The following IDO2 variants were observed in gnomAD, a reference collection of about 807,000 sequenced individuals.
IDO2 encodes the protein indoleamine 2,3-dioxygenase 2, also known as indoleamine 2,3-dioxygenase-like 1 protein.
A neutral mutation model predicts 45.1 loss-of-function variants in IDO2; 46 were observed. The ratio of observed to expected loss-of-function variants is 1.02; its 90% confidence interval spans 0.80 to 1.30. IDO2 has a LOEUF of 1.30. Among genes scored for constraint, IDO2 ranks in the 50% most tolerant of loss-of-function variants. The pLI is 0.00. For synonymous variants in IDO2, 218 were observed against 184.9 expected (o/e 1.18, Z -1.45); for missense variants, 544 against 491.8 (o/e 1.11, Z -1.00).
rs1367973897 is a variant in IDO2 at position 39,985,680 on chromosome 8, T to G, written c.449+158T>G. The G allele has an allele frequency of 2.9e-5, 19 of 658,260 alleles. 1 individual carries two copies. Among genetic ancestry groups the G allele is most frequent in the Non-Finnish European group, 4.4e-5 (17 of 386,274 alleles). 40.8% of individuals were successfully genotyped at this position (658,260 alleles called of 1,614,324 possible). A position where few individuals can be genotyped will look rare whatever the true frequency, so the allele number is the denominator to read the frequency against. The stretch of plus-strand genomic sequence containing the variant: ...TACTAGAAGGAAATGTGCCTAAAAT[T>G]CACAGTCTAAAATTTAACAGTGATT... On this transcript the variant is annotated intron_variant, in intron 6 of 10. Transcript: ENST00000502986.
intron 9 of IDO2, among the ~76,000 whole-genome samples, chr8:40,012,983 A>G (rs1377506259): frequency 6.6e-6 from 1 of 152,212 alleles, no homozygotes; most frequent in African/African-American, 2.4e-5. Context: ...TGTACGTTAT[A>G]GATTACAAAG....
intron 2 of IDO2, among the ~76,000 whole-genome samples, chr8:39,957,090 A>G (rs1051509435): frequency 2.0e-5 from 3 of 151,820 alleles, no homozygotes; most frequent in Non-Finnish European, 2.9e-5. Flanking sequence ...AAATAAATAA[A>G]TAATCCTCAC....
intron 8 of IDO2, among the ~76,000 whole-genome samples, chr8:39,990,703 G>T (rs540723633): frequency 6.6e-6 from 1 of 152,172 alleles, no homozygotes; most frequent in East Asian, 1.9e-4. Flanking sequence ...TACCCACATG[G>T]TTTATTATGG....
intron 10 of IDO2, 96 bp from the exon 11 acceptor site, chr8:40,015,151 T>C (rs1802367569): frequency 1.5e-6 from 1 of 647,700 alleles, no homozygotes; most frequent in Non-Finnish European, 2.4e-6. Flanking sequence ...CAAGATCTCA[T>C]CTAGAGAAAA....
intron 1 of IDO2, among the ~76,000 whole-genome samples, chr8:39,947,945 G>T (rs541284112): frequency 6.6e-6 from 1 of 151,978 alleles, no homozygotes; most frequent in Admixed American, 6.6e-5. Context: ...GCGCCACCAC[G>T]CTCGGCTAAT....
chr8:39,939,698 T>TAAA (rs371069586), intron 1 of IDO2, among the ~76,000 whole-genome samples: 3,560 of 140,628 alleles, frequency 0.025, 156 homozygotes, highest in African/African-American at 0.086. Context: ...ATAAAAGAGT[T>TAAA]AAAAAAAAAA....
chr8:40,004,637 G>A (rs1802192757), intron 8 of IDO2, among the ~76,000 whole-genome samples: 1 of 152,068 alleles, frequency 6.6e-6, no homozygotes, highest in African/African-American at 2.4e-5. Context: ...GCATATGCCA[G>A]GTGACAGAAT....
intron 8 of IDO2, among the ~76,000 whole-genome samples, chr8:39,994,467 G>A (rs1408529756): frequency 6.6e-6 from 1 of 152,092 alleles, no homozygotes; most frequent in African/African-American, 2.4e-5. Context: ...ATGTTGGTCA[G>A]GCTGGTCTCG....
exon 10 of IDO2, chr8:40,013,570 A>T: frequency 6.2e-7 from 1 of 1,612,770 alleles, no homozygotes; most frequent in African/African-American, 1.3e-5. Context: ...CTTAGATGGA[A>T]AGACAACCCA....
At chr8:39,974,230 A>G (rs1808225385) in intron 3 of IDO2, among the ~76,000 whole-genome samples, 1 of 152,222 alleles carries the variant, frequency 6.6e-6, no homozygotes, top group Non-Finnish European at 1.5e-5. Flanking sequence ...TAGAGGACCT[A>G]CATACAGACC....
chr8:39,991,360 A>G (rs755449559), intron 8 of IDO2, among the ~76,000 whole-genome samples: 1 of 152,288 alleles, frequency 6.6e-6, no homozygotes, highest in South Asian at 2.1e-4. Flanking sequence ...AGCTTTGCCA[A>G]GAAAGCCTGA....
chr8:39,971,533 A>C (rs1198990234), intron 3 of IDO2, among the ~76,000 whole-genome samples: 1 of 152,184 alleles, frequency 6.6e-6, no homozygotes, highest in African/African-American at 2.4e-5. Context: ...GACACAGATA[A>C]TGATCCCTCT....
chr8:39,989,802 A>G (rs899816373), exon 8 of IDO2: 1 of 1,603,072 alleles, frequency 6.2e-7, no homozygotes, highest in African/African-American at 1.3e-5. Context: ...GAGACTGTCT[A>G]TTCAGGACAT....
chr8:39,970,071 T>C (rs1481521663), intron 3 of IDO2, among the ~76,000 whole-genome samples: 2 of 152,206 alleles, frequency 1.3e-5, no homozygotes, highest in African/African-American at 2.4e-5. Flanking sequence ...AAGAGCCTTA[T>C]TGCTGGTATA....
intron 9 of IDO2, among the ~76,000 whole-genome samples, chr8:40,007,792 G>A (rs1168094960): frequency 6.6e-6 from 1 of 152,160 alleles, no homozygotes; most frequent in African/African-American, 2.4e-5. Context: ...TCATAGGCAA[G>A]CTCAACTGAC....
rs1807935005 is a variant in IDO2 at position 39,958,349 on chromosome 8, T to C, written c.100-5259T>C. ...CCCAGGTTCAGGCGATTCTCCCGCC[T>C]CAGCCTCCCGAACAGCTGGGGTTAC... On this transcript the variant is annotated intron_variant, in intron 2 of 10. Coordinates refer to ENST00000502986, the Ensembl canonical transcript of IDO2. Among the ~76,000 whole-genome samples, 3 of 137,978 alleles carry C rather than the reference T, an allele frequency of 2.2e-5. 1 individual carries two copies. The South Asian group carries it at 7.0e-4, about 32-fold the overall frequency. The allele number at this position is 137,978 out of a possible 152,430, so 90.5% of individuals were successfully genotyped here.
intron 3 of IDO2, among the ~76,000 whole-genome samples, chr8:39,972,609 C>CAA (rs35394460): frequency 0.026 from 884 of 34,542 alleles, 219 homozygotes; most frequent in Admixed American, 0.14. Flanking sequence ...GACTCCATCT[C>CAA]AAAAAAAAAA....
At chr8:39,952,433 G>A (rs1246433750) in intron 2 of IDO2, among the ~76,000 whole-genome samples, 2 of 152,156 alleles carry the variant, frequency 1.3e-5, no homozygotes, top group Non-Finnish European at 2.9e-5. Context: ...ACTTGAACAT[G>A]TCTGAAGAAA....
Position 39,963,533 on chromosome 8 carries a change from T to G in IDO2, c.100-75T>G, listed in dbSNP as rs987117281. ...ACTTGAATTCCCCTGAAGACTGAAA[T>G]GTGAAAATAGCTACTCTCGGAAGCC... On this transcript the variant is annotated intron_variant, in intron 2 of 10. Coordinates refer to ENST00000502986, the Ensembl canonical transcript of IDO2. 3 of 801,630 alleles carry G rather than the reference T, an allele frequency of 3.7e-6. No individual in the cohort carries two copies. In the East Asian group the frequency reaches 7.9e-5, roughly 21 times the overall value. The allele number at this position is 801,630 out of a possible 1,614,324, so 49.7% of individuals were successfully genotyped here.
Sources: gnomAD v4.1 joint callset for allele counts (sites outside exome capture counted in the v4.1 genomes callset) on GRCh38, gnomAD v4.1.1 for gene constraint, MANE v1.5 for transcripts, NCBI Gene and HGNC (gene_info 2026-07-23, HGNC 2026-07-21) for gene names.